Variants in TSC2 observed in about 807,000 individuals in gnomAD.
TSC2 encodes the protein TSC complex subunit 2.
In TSC2, 29 loss-of-function variants were observed where a neutral mutation model predicts 202.2. That is an observed-to-expected ratio of 0.14 (90% CI 0.11 to 0.20). The LOEUF is 0.20. TSC2 is among the 10% of genes least tolerant of loss of function. The pLI, the probability that TSC2 is intolerant of heterozygous loss-of-function variation, is 1.00. For missense variants in TSC2, 2,429 were observed against 2,420.0 expected, an observed-to-expected ratio of 1.00 and a Z score of -0.08; for synonymous variants, 1,349 against 1,044.0, an observed-to-expected ratio of 1.29 and a Z score of -5.63.
chr16:2,079,122 C>G lies in TSC2; in HGVS notation c.3057C>G (p.His1019Gln), dbSNP rs1060504102. 6.2e-7 allele frequency: 1 copy of G among 1,613,084 alleles called. No individual in the cohort carries two copies. The highest frequency in any genetic ancestry group is 8.5e-7 in the Non-Finnish European group (1 of 1,180,046). ...CTGACGATAGCCTGAAAAACCTCCACCTGGAGCTCACGGAAACCTGTCTGG... is the reference window on the plus strand; with the variant it reads ...CTGACGATAGCCTGAAAAACCTCCAGCTGGAGCTCACGGAAACCTGTCTGG... ...AQADDSLKNL[H>Q]LELTETCLDM... is the part of the protein sequence containing the mutation. Residue 1019 changes from histidine (H) to glutamine (Q), a missense_variant, in exon 27 of 42, where the codon CAC becomes CAG. By Grantham distance (24) the His-to-Gln change is conservative. Coordinates refer to ENST00000219476, the MANE Select transcript of TSC2 (RefSeq NM_000548.5). The surrounding 1 kb of genome is among the most constrained non-coding windows in gnomAD (Gnocchi z 4.6).
chr16:2,075,768 G>A lies in TSC2; in HGVS notation c.2546-31G>A, dbSNP rs145738496. On this transcript the variant is annotated intron_variant, in intron 22 of 41. Transcript: ENST00000219476. The stretch of plus-strand genomic sequence containing the variant: ...TTCAGAGGCGCTGCACGGGACCCCG[G>A]CTCCCCTGACCACCCTCTCCATTAC... 0.011 allele frequency: 18,255 copies of A among 1,609,360 alleles called. 140 individuals are homozygous for A. Among genetic ancestry groups the A allele is most frequent in the Non-Finnish European group, 0.013 (15,135 of 1,178,970 alleles).
intron 11 of TSC2, 135 bp from the exon 12 acceptor site, chr16:2,061,736 T>C: frequency 1.4e-6 from 2 of 1,461,160 alleles, no homozygotes; most frequent in Non-Finnish European, 1.9e-6. Context: ...GCTGGGGGCG[T>C]CTGTCCCCAT....
Position 2,071,742 on chromosome 16 carries a change from G to C in TSC2, c.1947-42G>C, listed in dbSNP as rs780989328. On this transcript the variant is annotated intron_variant, in intron 18 of 41. Coordinates refer to ENST00000219476, the MANE Select transcript of TSC2 (RefSeq NM_000548.5). ...GAAGAGCCAAGTCTGTTCCGTTCCTGCTGCGGGGACTTGGCCTCAGCTGCT... is the reference window on the plus strand; with the variant it reads ...GAAGAGCCAAGTCTGTTCCGTTCCTCCTGCGGGGACTTGGCCTCAGCTGCT... 5 of 1,599,402 alleles carry C rather than the reference G, an allele frequency of 3.1e-6. No individual in the cohort carries two copies. The South Asian group carries it at 3.4e-5, about 11-fold the overall frequency.
In TSC2 at chr16:2,079,191, G is replaced by C. The variant is rs36078782; in HGVS notation, c.3126G>C (p.Pro1042=). 3,890 of 1,612,862 alleles carry C rather than the reference G, an allele frequency of 2.4e-3. 71 individuals are homozygous for C. In the African/African-American group the frequency reaches 0.045, roughly 19 times the overall value. The change falls in exon 27 of 42, where the codon CCG becomes CCC. Residue 1042 remains proline (P), a synonymous_variant. Coordinates refer to ENST00000219476, the MANE Select transcript of TSC2 (RefSeq NM_000548.5). This position sits in a 1 kb window ranked among gnomAD's most constrained non-coding sequence, Gnocchi z 4.6. ...RYVFSNFTAV[P]KRSPVGEFLL... is the part of the protein sequence containing the mutation. Reference sequence around the variant, plus strand: ...TCTTCTCCAACTTCACGGCTGTCCCGAAGAGGTCCAGGCGGCACTACAGGG... The same window carrying C: ...TCTTCTCCAACTTCACGGCTGTCCCCAAGAGGTCCAGGCGGCACTACAGGG...
Position 2,075,293 on chromosome 16 carries a change from C to T in TSC2, c.2546-506C>T, listed in dbSNP as rs530383959. 21 of 164,718 alleles carry T rather than the reference C, an allele frequency of 1.3e-4. No homozygotes were observed. The South Asian group carries it at 1.5e-3, about 12-fold the overall frequency. The allele number at this position is 164,718 out of a possible 1,614,324, so 10.2% of individuals were successfully genotyped here. A position where few individuals can be genotyped will look rare whatever the true frequency, so the allele number is the denominator to read the frequency against. Reference sequence around the variant, plus strand: ...CTGTAATCCCAGCACTTTCGGAGGCCGAGGCAGGCGGATCATGAGGTCAGG... The same window carrying T: ...CTGTAATCCCAGCACTTTCGGAGGCTGAGGCAGGCGGATCATGAGGTCAGG... On this transcript the variant is annotated intron_variant, in intron 22 of 41. Transcript: ENST00000219476.
At chr16:2,085,408 C>T in intron 36 of TSC2, 86 bp downstream of exon 36, 17 of 1,393,308 alleles carry the variant, frequency 1.2e-5, no homozygotes, top group Non-Finnish European at 1.7e-5. Flanking sequence ...GCCCCCAACG[C>T]CCCACAGAGC....
chr16:2,087,012 C>G, intron 38 of TSC2, 141 bp downstream of exon 38: 1 of 1,287,000 alleles, frequency 7.8e-7, no homozygotes, highest in Non-Finnish European at 1.1e-6. Context: ...CCCGTGGGCA[C>G]GAGCTTCACC....
chr16:2,054,199 G>C (rs552903130), intron 4 of TSC2, 97 bp from the exon 5 acceptor site: 8 of 1,595,152 alleles, frequency 5.0e-6, no homozygotes, highest in Non-Finnish European at 6.9e-6. Flanking sequence ...GAGGGGTCCA[G>C]GGCTGGAGTC....
At chr16:2,086,610 C>T in intron 37 of TSC2, 122 bp from the exon 38 acceptor site, 4 of 1,499,624 alleles carry the variant, frequency 2.7e-6, no homozygotes, top group Middle Eastern at 2.4e-4. Flanking sequence ...TGGCCAGGCA[C>T]CAGAGGACGT....
rs2084688660 is a variant in TSC2, at chr16:2,048,752, G to A, written c.137G>A (p.Arg46Lys). 6.2e-7 allele frequency: 1 copy of A among 1,614,056 alleles called. No individual in the cohort carries two copies. Among genetic ancestry groups the A allele is most frequent in the East Asian group, 2.2e-5 (1 of 44,890 alleles). Reference protein sequence around the residue: ...TEFIITAEILRELSMECGLNN... With the variant: ...TEFIITAEILKELSMECGLNN... The stretch of plus-strand genomic sequence containing the variant: ...TTTATCATCACCGCGGAAATACTGA[G>A]AGTGAGTGAGCTACCTGTGTCTTTG... Residue 46 changes from arginine (R) to lysine (K), a missense_variant and splice_region_variant, in exon 2 of 42, where the codon AGA becomes AAA. By Grantham distance (26) the Arg-to-Lys change is conservative. Coordinates refer to ENST00000219476, the MANE Select transcript of TSC2 (RefSeq NM_000548.5).
At chr16:2,068,872 CAAAAAAAA>C (rs71148120) in intron 16 of TSC2, 6 of 90,236 alleles carry the variant, frequency 6.6e-5, no homozygotes, top group African/African-American at 2.7e-4. Flanking sequence ...GACTCCGTCT[CAAAAAAAA>C]AAAAAAAAAA....
intron 17 of TSC2, 133 bp downstream of exon 17, chr16:2,070,711 C>G (rs1258018861): frequency 2.1e-6 from 3 of 1,447,750 alleles, no homozygotes; most frequent in Non-Finnish European, 2.8e-6. Flanking sequence ...TCCTCTGCAC[C>G]CACTGTGGCC....
chr16:2,082,423 C>A lies in TSC2; in HGVS notation c.3815-13C>A. The stretch of plus-strand genomic sequence containing the variant: ...CTCCTGCTGACGTGGCCGCACACGG[C>A]CTTCCCTTGCAGTGGCCTCTTTCTC... On this transcript the variant is annotated splice_polypyrimidine_tract_variant and intron_variant, in intron 31 of 41. Transcript: ENST00000219476. The A allele has an allele frequency of 6.2e-7, 1 of 1,612,474 alleles. No individual in the cohort carries two copies. Among genetic ancestry groups the A allele is most frequent in the South Asian group, 1.1e-5 (1 of 91,090 alleles).
rs571792728 is a variant in TSC2 at position 2,088,577 on chromosome 16, C to G, written c.5391C>G (p.Ile1797Met). 6.2e-7 allele frequency: 1 copy of G among 1,608,860 alleles called. No homozygotes were observed. Among genetic ancestry groups the G allele is most frequent in the Admixed American group, 1.7e-5 (1 of 60,020 alleles). Residue 1797 changes from isoleucine (I) to methionine (M), a missense_variant, in exon 42 of 42, where the codon ATC (isoleucine) becomes ATG (methionine). Coordinates refer to ENST00000219476, the MANE Select transcript of TSC2 (RefSeq NM_000548.5). ...GYEVGQRKRLISSVEDFTEFV is the reference protein window; with the variant it reads ...GYEVGQRKRLMSSVEDFTEFV Reference sequence around the variant, plus strand: ...AGGTGGGCCAGCGGAAGCGCCTCATCTCCTCGGTGGAGGACTTCACCGAGT... The same window carrying G: ...AGGTGGGCCAGCGGAAGCGCCTCATGTCCTCGGTGGAGGACTTCACCGAGT...
At chr16:2,084,765 C>T in intron 34 of TSC2, 50 bp downstream of exon 34, 1 of 1,598,462 alleles carries the variant, frequency 6.3e-7, no homozygotes, top group Non-Finnish European at 8.5e-7. Context: ...CCTGCGGGAA[C>T]CTGGTGCCTC....
chr16:2,073,120 T>A, intron 21 of TSC2, 137 bp downstream of exon 21: 1 of 1,399,462 alleles, frequency 7.1e-7, no homozygotes, highest in Non-Finnish European at 9.8e-7. Flanking sequence ...CTTCCCTGGG[T>A]GGCTGCCAGA....
chr16:2,063,394 C>G (rs1422124299), intron 14 of TSC2: 3 of 456,970 alleles, frequency 6.6e-6, no homozygotes, highest in Non-Finnish European at 1.2e-5. Context: ...TCTTCCGTTT[C>G]AGTCCTGACG....
intron 31 of TSC2, 35 bp from the exon 32 acceptor site, chr16:2,082,401 C>T (rs2090251937): frequency 1.2e-6 from 2 of 1,610,730 alleles, no homozygotes; most frequent in African/African-American, 1.3e-5. Flanking sequence ...GCCCCTCCTC[C>T]TGCTGACGTG....
At chr16:2,084,131 A>G (rs1407409550) in intron 33 of TSC2, 97 bp from the exon 34 acceptor site, 3 of 1,542,148 alleles carry the variant, frequency 1.9e-6, no homozygotes, top group Non-Finnish European at 2.6e-6. Flanking sequence ...TGGCCCTGGG[A>G]TGGAGGACAG....
Sources: gnomAD v4.1 joint callset for allele counts on GRCh38, gnomAD v4.1.1 for gene constraint, Gnocchi (gnomAD v3.1) non-coding constraint, MANE v1.5 for transcripts, NCBI Gene and HGNC (gene_info 2026-07-23, HGNC 2026-07-21) for gene names.